The following DOCK3 variants were observed in gnomAD, a reference collection of about 807,000 sequenced individuals.
DOCK3 encodes the protein dedicator of cytokinesis protein 3.
Under a neutral mutation model 265.6 loss-of-function variants are expected in DOCK3, and 60 were observed. The observed-to-expected ratio is 0.23, with a 90% CI of 0.18 to 0.28. The LOEUF (loss-of-function observed/expected upper bound fraction) is 0.28. DOCK3 is among the 10% of genes least tolerant of loss of function. The pLI, the probability that DOCK3 is intolerant of heterozygous loss-of-function variation, is 1.00. For synonymous variants in DOCK3, 881 were observed against 938.0 expected, an observed-to-expected ratio of 0.94 and a Z score of 1.11; for missense variants, 1,981 against 2,594.3, an observed-to-expected ratio of 0.76 and a Z score of 5.14.
At chr3:51,040,279 C>T (rs980086141) in intron 5 of DOCK3, among the ~76,000 whole-genome samples, 22 of 151,784 alleles carry the variant, frequency 1.4e-4, no homozygotes, top group Admixed American at 9.8e-4. Context: ...ATCTTACTAC[C>T]GGCATACACC....
At chr3:50,903,293 G>C (rs2049300815) in intron 4 of DOCK3, among the ~76,000 whole-genome samples, 2 of 152,090 alleles carry the variant, frequency 1.3e-5, no homozygotes, top group Non-Finnish European at 2.9e-5. Flanking sequence ...TATGATATTG[G>C]TTATGGGTTT....
At chr3:51,067,685 G>C (rs867688119) in intron 6 of DOCK3, among the ~76,000 whole-genome samples, 1 of 145,792 alleles carries the variant, frequency 6.9e-6, no homozygotes, top group African/African-American at 2.7e-5. Flanking sequence ...GGAAAATATA[G>C]TCACTTAAAA....
At position 51,202,071 on chromosome 3, in the gene DOCK3, G is replaced by A. The variant is rs1398280890; in HGVS notation, c.1038-6703G>A. Among the ~76,000 whole-genome samples the A allele has an allele frequency of 2.6e-5, 4 of 151,780 alleles. No individual in the cohort carries two copies. In the East Asian group the frequency reaches 5.8e-4, roughly 22 times the overall value. On this transcript the variant is annotated intron_variant, in intron 12 of 52. Coordinates refer to ENST00000266037, the MANE Select transcript of DOCK3 (RefSeq NM_004947.5). ...ATTCAATGCCCACAAAAGAAAGCAG[G>A]AAAGATCCAAAATTGACACCCTAAC...
At position 51,354,958 on chromosome 3, in the gene DOCK3, C is replaced by T. The variant is rs1474532565; in HGVS notation, c.4184C>T (p.Pro1395Leu). ...CAGCAGAGGATGCTCAGTGAGTTTC[C>T]GCAGGCTGTCGCCATGCAGCACCCC... Reference protein sequence around the residue: ...AFQQRMLSEFPQAVAMQHPNH... With the variant: ...AFQQRMLSEFLQAVAMQHPNH... The change falls in exon 41 of 53, where the codon CCG becomes CTG. Residue 1395 changes from proline (P) to leucine (L), a missense_variant. Physicochemically the swap from Pro to Leu is moderately conservative, Grantham distance 98. Transcript: ENST00000266037. 1.2e-6 allele frequency: 2 copies of T among 1,613,904 alleles called. No homozygotes were observed. The highest frequency in any genetic ancestry group is 1.7e-5 in the Admixed American group (1 of 60,014).
intron 12 of DOCK3, among the ~76,000 whole-genome samples, chr3:51,164,202 T>A (rs1355451538): frequency 2.0e-5 from 3 of 152,136 alleles, no homozygotes; most frequent in African/African-American, 7.3e-5. Flanking sequence ...GTAGCTTTGC[T>A]CTTTTTTAAA....
intron 5 of DOCK3, among the ~76,000 whole-genome samples, chr3:50,970,073 AAAAAG>A (rs143144467): frequency 0.098 from 14,903 of 151,704 alleles, 872 homozygotes; most frequent in Non-Finnish European, 0.12. Context: ...CTCCATCTTA[AAAAAG>A]AAAAGAAAAG....
At chr3:50,824,489 G>C (rs540600499) in intron 2 of DOCK3, among the ~76,000 whole-genome samples, 11 of 152,156 alleles carry the variant, frequency 7.2e-5, no homozygotes, top group African/African-American at 1.2e-4. Flanking sequence ...TTTTTTAGGG[G>C]GTCAAAATGA....
chr3:51,362,081 T>G, intron 48 of DOCK3, 84 bp downstream of exon 48: 1 of 1,472,826 alleles, frequency 6.8e-7, no homozygotes. Flanking sequence ...TCTGAGGGCT[T>G]GGCAACCCTG....
chr3:51,197,405 T>C (rs1185954610), intron 12 of DOCK3, among the ~76,000 whole-genome samples: 2 of 152,040 alleles, frequency 1.3e-5, no homozygotes, highest in African/African-American at 4.8e-5. Context: ...GCAGTAGCGG[T>C]AGTGGGACAA....
chr3:51,106,856 C>A (rs2083301846), intron 9 of DOCK3, among the ~76,000 whole-genome samples: 1 of 152,254 alleles, frequency 6.6e-6, no homozygotes. Flanking sequence ...CCTGCCCCAG[C>A]AGACAAGTGT....
At chr3:50,822,952 C>A (rs542186050) in intron 2 of DOCK3, among the ~76,000 whole-genome samples, 3 of 152,274 alleles carry the variant, frequency 2.0e-5, no homozygotes, top group Admixed American at 2.0e-4. Flanking sequence ...GCTATAAAGA[C>A]TTCATTTCTG....
intron 9 of DOCK3, among the ~76,000 whole-genome samples, chr3:51,106,731 G>A (rs577506808): frequency 2.4e-4 from 36 of 152,264 alleles, no homozygotes; most frequent in African/African-American, 7.2e-4. Flanking sequence ...CCCTGCCCCC[G>A]TGCTAACACC....
At chr3:50,704,778 A>G (rs1461417713) in intron 1 of DOCK3, among the ~76,000 whole-genome samples, 2 of 152,018 alleles carry the variant, frequency 1.3e-5, no homozygotes, top group Non-Finnish European at 2.9e-5. Context: ...GGCATGTGCC[A>G]TGACGCTCAG....
chr3:51,215,047 A>C (rs1427089774), intron 14 of DOCK3, among the ~76,000 whole-genome samples: 1 of 152,196 alleles, frequency 6.6e-6, no homozygotes, highest in Non-Finnish European at 1.5e-5. Context: ...AAAGGAGATT[A>C]GAATGGGTAA....
chr3:50,985,832 A>G (rs2077878549), intron 5 of DOCK3, among the ~76,000 whole-genome samples: 1 of 151,644 alleles, frequency 6.6e-6, no homozygotes, highest in South Asian at 2.1e-4. Flanking sequence ...ATTAAATTAA[A>G]TTAATTAAAT....
rs1169107498 is a variant in DOCK3 at position 51,360,516 on chromosome 3, T to G, written c.4890T>G (p.Phe1630Leu). Residue 1630 changes from phenylalanine (F) to leucine (L), a missense_variant, in exon 47 of 53, where the codon TTT (phenylalanine) becomes TTG (leucine). This residue lies in a region of DOCK3 where 1,357 missense variants were observed against 1,866.8 expected (regional missense o/e 0.73). Transcript: ENST00000266037. The stretch of plus-strand genomic sequence containing the variant: ...GGGCATTCATTTCTCAACAGGAGTT[T>G]CCAGGTTTGGATAAGCTAAGTCCTG... ...QMMRASLYHE[F>L]PGLDKLSPAC... is the part of the protein sequence containing the mutation. 2 of 1,610,396 alleles carry G rather than the reference T, an allele frequency of 1.2e-6. No individual in the cohort carries two copies. The highest frequency in any genetic ancestry group is 1.7e-6 in the Non-Finnish European group (2 of 1,178,150).
intron 3 of DOCK3, among the ~76,000 whole-genome samples, chr3:50,854,390 TAGA>T (rs1216161712): frequency 6.6e-6 from 1 of 151,550 alleles, no homozygotes; most frequent in African/African-American, 2.4e-5. Flanking sequence ...GGCTAGTGTG[TAGA>T]AGTTGTTTCT....
At chr3:50,865,452 T>G (rs753855833) in intron 3 of DOCK3, among the ~76,000 whole-genome samples, 31 of 152,232 alleles carry the variant, frequency 2.0e-4, no homozygotes, top group Non-Finnish European at 4.0e-4. Context: ...GATCTCTAGT[T>G]TCATCCATGT....
At chr3:51,054,750 T>C (rs151259981) in intron 5 of DOCK3, among the ~76,000 whole-genome samples, 32 of 152,336 alleles carry the variant, frequency 2.1e-4, no homozygotes, top group African/African-American at 5.5e-4. Context: ...AAATTACGAC[T>C]AGCCTGCTTT....
Sources: allele counts gnomAD v4.1 joint callset (sites outside exome capture counted in the v4.1 genomes callset), GRCh38; gene constraint gnomAD v4.1.1; regional missense constraint gnomAD v4.1.1; transcripts MANE v1.5; gene names NCBI Gene and HGNC (gene_info 2026-07-23, HGNC 2026-07-21).